The following CNTN5 variants were observed in gnomAD, a reference collection of about 807,000 sequenced individuals.
CNTN5 encodes contactin-5.
A neutral mutation model predicts 129.1 loss-of-function variants in CNTN5; 77 were observed. The ratio of observed to expected loss-of-function variants is 0.60; its 90% CI spans 0.50 to 0.72. The LOEUF (loss-of-function observed/expected upper bound fraction) is 0.72, where lower values mean the gene tolerates loss of function less well. Among genes scored for constraint, CNTN5 ranks in the 30% least tolerant of loss-of-function variants. CNTN5 has a pLI of 0.00. For missense variants in CNTN5, 1,478 were observed against 1,328.8 expected (o/e 1.11, Z -1.75); for synonymous variants, 509 against 465.6 (o/e 1.09, Z -1.20).
At chr11:99,878,457 A>C (rs561457280) in intron 6 of CNTN5, among the ~76,000 whole-genome samples, 1 of 152,194 alleles carries the variant, frequency 6.6e-6, no homozygotes, top group African/African-American at 2.4e-5. Flanking sequence ...TAGTGATGGC[A>C]TGTGCAATAG....
At chr11:99,612,156 A>G (rs577331534) in intron 3 of CNTN5, among the ~76,000 whole-genome samples, 1 of 152,216 alleles carries the variant, frequency 6.6e-6, no homozygotes, top group Non-Finnish European at 1.5e-5. Flanking sequence ...GACCATCCCT[A>G]CGAGGAAACT....
At chr11:99,763,845 A>G (rs1347875711) in intron 3 of CNTN5, among the ~76,000 whole-genome samples, 1 of 151,946 alleles carries the variant, frequency 6.6e-6, no homozygotes, top group East Asian at 2.0e-4. Context: ...AAGCATAACC[A>G]TATATTAAAT....
At chr11:100,098,351 C>A (rs1041387816) in intron 13 of CNTN5, among the ~76,000 whole-genome samples, 2 of 152,026 alleles carry the variant, frequency 1.3e-5, no homozygotes, top group Admixed American at 1.3e-4. Flanking sequence ...TTACCCCTGA[C>A]TTTAGTACAT....
chr11:100,130,533 G>A (rs1223190166), intron 13 of CNTN5, among the ~76,000 whole-genome samples: 1 of 152,138 alleles, frequency 6.6e-6, no homozygotes, highest in Admixed American at 6.6e-5. Context: ...GTATCCAGTG[G>A]CAAAAGATGA....
intron 18 of CNTN5, among the ~76,000 whole-genome samples, chr11:100,275,629 T>C (rs1950494470): frequency 6.6e-6 from 1 of 152,226 alleles, no homozygotes; most frequent in African/African-American, 2.4e-5. Context: ...ATTCAGATTG[T>C]GCATTTTAAA....
chr11:99,832,549 A>G (rs1470470688), intron 4 of CNTN5, among the ~76,000 whole-genome samples: 1 of 152,240 alleles, frequency 6.6e-6, no homozygotes, highest in Non-Finnish European at 1.5e-5. Flanking sequence ...TGAAGGTTTT[A>G]TAGTTTATAC....
At chr11:99,154,307 A>G (rs544565757) in intron 1 of CNTN5, among the ~76,000 whole-genome samples, 1 of 152,290 alleles carries the variant, frequency 6.6e-6, no homozygotes, top group African/African-American at 2.4e-5. Context: ...CGGTTGAGAC[A>G]CAGGTTATCA....
intron 3 of CNTN5, among the ~76,000 whole-genome samples, chr11:99,580,380 A>G (rs1248460804): frequency 3.9e-5 from 6 of 151,958 alleles, no homozygotes; most frequent in South Asian, 2.1e-4. Context: ...TTTTTCTATT[A>G]ACTGGAATAG....
chr11:99,250,783 G>T (rs564195192), intron 1 of CNTN5, among the ~76,000 whole-genome samples: 1 of 151,860 alleles, frequency 6.6e-6, no homozygotes, highest in South Asian at 2.1e-4. Flanking sequence ...AATAGTGAAC[G>T]ATATCATTTA....
At chr11:100,311,019 G>T (rs924224455) in intron 21 of CNTN5, among the ~76,000 whole-genome samples, 1 of 151,826 alleles carries the variant, frequency 6.6e-6, no homozygotes, top group Non-Finnish European at 1.5e-5. Context: ...ATTTCAAACT[G>T]GGAGGGACAA....
intron 2 of CNTN5, among the ~76,000 whole-genome samples, chr11:99,348,175 T>C (rs186029202): frequency 5.9e-5 from 9 of 152,216 alleles, no homozygotes. Context: ...GCATCTCTAC[T>C]AAAAATACAA....
intron 21 of CNTN5, among the ~76,000 whole-genome samples, chr11:100,337,777 T>G (rs1952065244): frequency 1.3e-5 from 2 of 152,216 alleles, no homozygotes; most frequent in Admixed American, 1.3e-4. Flanking sequence ...AACTTACTGC[T>G]CTTCTGTTTT....
intron 9 of CNTN5, among the ~76,000 whole-genome samples, chr11:100,032,800 G>A (rs1028385108): frequency 6.6e-6 from 1 of 151,970 alleles, no homozygotes; most frequent in African/African-American, 2.4e-5. Flanking sequence ...ATAAAAATAG[G>A]TATAATCAGT....
At chr11:99,160,897 C>A (rs1860576444) in intron 1 of CNTN5, among the ~76,000 whole-genome samples, 2 of 152,152 alleles carry the variant, frequency 1.3e-5, no homozygotes, top group Admixed American at 6.5e-5. Context: ...GATGAATGAA[C>A]TCTGATTGAA....
chr11:100,014,621 T>C (rs1051561315), intron 9 of CNTN5, among the ~76,000 whole-genome samples: 1 of 152,090 alleles, frequency 6.6e-6, no homozygotes, highest in Non-Finnish European at 1.5e-5. Flanking sequence ...AATACATAGA[T>C]TTTTATTGAT....
intron 13 of CNTN5, among the ~76,000 whole-genome samples, chr11:100,102,815 C>G (rs766638843): frequency 6.6e-6 from 1 of 152,066 alleles, no homozygotes; most frequent in Non-Finnish European, 1.5e-5. Flanking sequence ...TTTCTCCCTT[C>G]TGTATTACCA....
chr11:100,065,717 A>C (rs532641125), intron 10 of CNTN5, among the ~76,000 whole-genome samples: 1 of 152,016 alleles, frequency 6.6e-6, no homozygotes, highest in Non-Finnish European at 1.5e-5. Flanking sequence ...GACACTGAGA[A>C]CCTGAACTAA....
At chr11:100,283,662 C>T (rs1005004536) in intron 18 of CNTN5, among the ~76,000 whole-genome samples, 6 of 152,086 alleles carry the variant, frequency 3.9e-5, no homozygotes, top group African/African-American at 7.2e-5. Flanking sequence ...ATATTCCCTC[C>T]GGGCCGGGCG....
chr11:100,118,112 G>T (rs11222837), intron 13 of CNTN5, among the ~76,000 whole-genome samples: 2 of 151,308 alleles, frequency 1.3e-5, no homozygotes, highest in African/African-American at 2.4e-5. Flanking sequence ...AATATCTAAC[G>T]TCAAATCTAT....
Sources: allele counts gnomAD v4.1 joint callset (sites outside exome capture counted in the v4.1 genomes callset), GRCh38; gene constraint gnomAD v4.1.1; transcripts MANE v1.5; gene names NCBI Gene and HGNC (gene_info 2026-07-23, HGNC 2026-07-21).